SMIM19: variants seen among roughly 807,000 people sequenced by gnomAD.
SMIM19 encodes small integral membrane protein 19, also known as UPF0697 protein C8orf40.
Under a neutral mutation model 13.2 loss-of-function variants are expected in SMIM19, and 6 were observed. The observed-to-expected ratio is 0.45, with a 90% CI of 0.25 to 0.90. SMIM19 has a LOEUF of 0.90. Ranked by LOEUF, SMIM19 falls within the 40% of genes least tolerant of loss-of-function variation. The pLI, the probability that SMIM19 is intolerant of heterozygous loss-of-function variation, is 0.19. For missense variants in SMIM19, 138 were observed against 131.0 expected, an observed-to-expected ratio of 1.05 and a Z score of -0.26; for synonymous variants, 46 against 43.1, an observed-to-expected ratio of 1.07 and a Z score of -0.27.
At chr8:42,544,431 A>G (rs1317830312) in intron 1 of SMIM19, among the ~76,000 whole-genome samples, 2 of 148,826 alleles carry the variant, frequency 1.3e-5, no homozygotes, top group African/African-American at 5.0e-5. Flanking sequence ...AAAAAAAAAA[A>G]TGCCAAATGC....
intron 1 of SMIM19, 146 bp from the exon 2 acceptor site, chr8:42,546,323 T>C: frequency 3.4e-6 from 3 of 876,974 alleles, no homozygotes; most frequent in Non-Finnish European, 4.7e-6. Flanking sequence ...CACTTAGAAA[T>C]GTAAATCCCA....
rs1464671336 is a variant in SMIM19, at chr8:42,554,512, C to A, written c.*1904C>A. 6.6e-6 allele frequency: 1 copy of A among 152,222 alleles called. No homozygotes were observed. Among genetic ancestry groups the A allele is most frequent in the African/African-American group, 2.4e-5 (1 of 41,460 alleles). The allele number at this position is 152,222 out of a possible 1,614,324, so 9.4% of individuals were successfully genotyped here. A position where few individuals can be genotyped will look rare whatever the true frequency, so the allele number is the denominator to read the frequency against. On this transcript the variant is annotated 3_prime_UTR_variant, in exon 4 of 4. Coordinates refer to ENST00000417410, the MANE Select transcript of SMIM19 (RefSeq NM_001135674.2). ...AGATAGAGATGGTCCTAACTACAAA[C>A]TAGTAGATTATTTGATGAGCATCAA...
rs573214387 is a variant in SMIM19 at position 42,555,120 on chromosome 8, T to C, written c.*2512T>C. On this transcript the variant is annotated 3_prime_UTR_variant, in exon 4 of 4. Coordinates refer to ENST00000417410, the MANE Select transcript of SMIM19 (RefSeq NM_001135674.2). ...CATTAGAAGTAAGATAAAATAGTAATAAAAATAGTTTCAGATGTTAAGATG... is the reference window on the plus strand; with the variant it reads ...CATTAGAAGTAAGATAAAATAGTAACAAAAATAGTTTCAGATGTTAAGATG... The C allele has an allele frequency of 1.3e-5, 2 of 152,218 alleles. No homozygotes were observed. The highest frequency in any genetic ancestry group is 6.8e-3 in the Middle Eastern group (2 of 294). 9.4% of individuals were successfully genotyped at this position (152,218 alleles called of 1,614,324 possible). A position where few individuals can be genotyped will look rare whatever the true frequency, so the allele number is the denominator to read the frequency against.
chr8:42,544,357 G>A (rs1470289039), intron 1 of SMIM19, among the ~76,000 whole-genome samples: 1 of 151,212 alleles, frequency 6.6e-6, no homozygotes, highest in Admixed American at 6.6e-5. Flanking sequence ...CTTGCAGTGA[G>A]CCGAGATCGT....
At chr8:42,547,545 A>C (rs1229795954) in intron 2 of SMIM19, among the ~76,000 whole-genome samples, 1 of 152,176 alleles carries the variant, frequency 6.6e-6, no homozygotes, top group African/African-American at 2.4e-5. Flanking sequence ...TGAATGCAGA[A>C]ACACTGACTC....
chr8:42,548,867 G>A, intron 3 of SMIM19, 87 bp downstream of exon 3: 1 of 1,352,200 alleles, frequency 7.4e-7, no homozygotes, highest in Admixed American at 2.6e-5. Flanking sequence ...AATGTTATTA[G>A]AAATCGTAAG....
rs967275356 is a variant in SMIM19, at chr8:42,541,760, G to GGCCCCGCCCCGCGCCGCCC, written c.-606_-588dup. The GGCCCCGCCCCGCGCCGCCC allele has an allele frequency of 3.4e-5, 5 of 148,954 alleles. No individual in the cohort carries two copies. The highest frequency in any genetic ancestry group is 4.9e-5 in the African/African-American group (2 of 40,884). The allele number at this position is 148,954 out of a possible 1,614,324, so 9.2% of individuals were successfully genotyped here. On this transcript the variant is annotated 5_prime_UTR_variant, in exon 1 of 4. Coordinates refer to ENST00000417410, the MANE Select transcript of SMIM19 (RefSeq NM_001135674.2). ...GGTCCCCGGCGGGGCCGCGTCACCC[G>GGCCCCGCCCCGCGCCGCCC]GCCCCGCCCCGCGCCGCCCGCCCCG...
At chr8:42,544,525 A>AC (rs61480099) in intron 1 of SMIM19, among the ~76,000 whole-genome samples, 1 of 151,678 alleles carries the variant, frequency 6.6e-6, no homozygotes, top group Non-Finnish European at 1.5e-5. Flanking sequence ...GTGTTTAAAC[A>AC]ATATTTAGAT....
intron 1 of SMIM19, among the ~76,000 whole-genome samples, chr8:42,543,958 C>T (rs978528760): frequency 3.3e-5 from 5 of 152,214 alleles, no homozygotes; most frequent in African/African-American, 4.8e-5. Context: ...TTGGCACCAA[C>T]GAAGTTTGAG....
chr8:42,548,669 A>G lies in SMIM19; in HGVS notation c.148A>G (p.Ile50Val). Reference sequence around the variant, plus strand: ...TTTTGTGTTTAGGAACAAAAGGAGAATTATGAGGATATTCAGTGTGCCACC... The same window carrying G: ...TTTTGTGTTTAGGAACAAAAGGAGAGTTATGAGGATATTCAGTGTGCCACC... ...FMYAKRNKRR[I>V]MRIFSVPPTE... Residue 50 changes from isoleucine (I) to valine (V), a missense_variant, in exon 3 of 4, where the codon ATT becomes GTT. Transcript: ENST00000417410. 6.2e-7 allele frequency: 1 copy of G among 1,613,824 alleles called. No homozygotes were observed. The highest frequency in any genetic ancestry group is 8.5e-7 in the Non-Finnish European group (1 of 1,179,870).
chr8:42,551,071 C>T (rs1394551551), intron 3 of SMIM19, among the ~76,000 whole-genome samples: 2 of 152,076 alleles, frequency 1.3e-5, no homozygotes, highest in South Asian at 2.1e-4. Context: ...GTAATCCCAG[C>T]GCTTTGGGAG....
Position 42,542,328 on chromosome 8 carries a change from A to T in SMIM19, c.-50A>T. ...TCAGTGACTCTGTGGACTGCCCAGC[A>T]CCTGTGAATTGCTTTCCTGGATGTT... On this transcript the variant is annotated 5_prime_UTR_variant, in exon 1 of 4. Coordinates refer to ENST00000417410, the MANE Select transcript of SMIM19 (RefSeq NM_001135674.2). 3 of 473,098 alleles carry T rather than the reference A, an allele frequency of 6.3e-6. No individual in the cohort carries two copies. Among genetic ancestry groups the T allele is most frequent in the Non-Finnish European group, 8.3e-6 (3 of 361,938 alleles). 29.3% of individuals were successfully genotyped at this position (473,098 alleles called of 1,614,324 possible).
At chr8:42,545,476 C>T (rs1454133437) in intron 1 of SMIM19, among the ~76,000 whole-genome samples, 1 of 152,152 alleles carries the variant, frequency 6.6e-6, no homozygotes, top group Non-Finnish European at 1.5e-5. Flanking sequence ...GCTGTCACAT[C>T]CTTGCTAGGC....
At chr8:42,544,269 G>GGC (rs1486323843) in intron 1 of SMIM19, among the ~76,000 whole-genome samples, 2 of 152,098 alleles carry the variant, frequency 1.3e-5, no homozygotes, top group African/African-American at 4.8e-5. Context: ...AAAGTAGCCG[G>GGC]GCGCGGTGGT....
intron 2 of SMIM19, among the ~76,000 whole-genome samples, chr8:42,546,994 A>T (rs566374175): frequency 2.6e-5 from 4 of 152,098 alleles, no homozygotes; most frequent in African/African-American, 9.6e-5. Context: ...ATTTCATTAT[A>T]ATTTTTGTTC....
intron 3 of SMIM19, among the ~76,000 whole-genome samples, chr8:42,549,538 C>T (rs1402324858): frequency 6.6e-6 from 1 of 151,972 alleles, no homozygotes; most frequent in Non-Finnish European, 1.5e-5. Context: ...TGAGGCAAAT[C>T]ACAGAGACAC....
intron 3 of SMIM19, among the ~76,000 whole-genome samples, chr8:42,550,391 G>C (rs1232547388): frequency 6.6e-6 from 1 of 152,140 alleles, no homozygotes; most frequent in East Asian, 1.9e-4. Context: ...GGTTCGGTGG[G>C]TTAGAAGCTC....
In SMIM19 at chr8:42,546,611, A is replaced by G. The variant is rs1813495622; in HGVS notation, c.134+5A>G. 1 of 1,605,438 alleles carries G rather than the reference A, an allele frequency of 6.2e-7. No individual in the cohort carries two copies. Among genetic ancestry groups the G allele is most frequent in the East Asian group, 2.2e-5 (1 of 44,860 alleles). On this transcript the variant is annotated splice_donor_5th_base_variant and intron_variant, in intron 2 of 3. Coordinates refer to ENST00000417410, the MANE Select transcript of SMIM19 (RefSeq NM_001135674.2). ...TCTCTTCATGTATGCCAAAAGGTAAATTTTTGTTTCTCAGGGTAGATAAAA... is the reference window on the plus strand; with the variant it reads ...TCTCTTCATGTATGCCAAAAGGTAAGTTTTTGTTTCTCAGGGTAGATAAAA...
intron 2 of SMIM19, 40 bp from the exon 3 acceptor site, chr8:42,548,616 A>AT: frequency 6.2e-7 from 1 of 1,611,202 alleles, no homozygotes; most frequent in East Asian, 2.2e-5. Flanking sequence ...CTCTATAGAC[A>AT]TTAATACAAA....
Sources: gnomAD v4.1 joint callset for allele counts (sites outside exome capture counted in the v4.1 genomes callset) on GRCh38, gnomAD v4.1.1 for gene constraint, MANE v1.5 for transcripts, NCBI Gene and HGNC (gene_info 2026-07-23, HGNC 2026-07-21) for gene names.